NRDC: variants seen among roughly 807,000 people sequenced by gnomAD.
The protein encoded by NRDC is nardilysin convertase.
Under a neutral mutation model 147.1 loss-of-function variants are expected in NRDC, and 54 were observed. The ratio of observed to expected loss-of-function variants is 0.37; its 90% CI spans 0.29 to 0.46. The LOEUF is 0.46. Among genes scored for constraint, NRDC ranks in the 20% least tolerant of loss-of-function variants. The pLI is 1.00. For synonymous variants in NRDC, 440 were observed against 482.1 expected, an observed-to-expected ratio of 0.91 and a Z score of 1.14; for missense variants, 1,082 against 1,370.6, an observed-to-expected ratio of 0.79 and a Z score of 3.33.
intron 13 of NRDC, 105 bp from the exon 14 acceptor site, chr1:51,814,194 G>T (rs1438847084): frequency 1.2e-5 from 8 of 694,694 alleles, no homozygotes; most frequent in Non-Finnish European, 2.0e-5. Context: ...CTATTGGGTA[G>T]TAGGCTTAGT....
At chr1:51,799,357 C>T (rs1679081746) in intron 21 of NRDC, among the ~76,000 whole-genome samples, 1 of 152,028 alleles carries the variant, frequency 6.6e-6, no homozygotes, top group African/African-American at 2.4e-5. Flanking sequence ...GCACCCCCAC[C>T]CCCCAACAGG....
At chr1:51,873,660 G>A (rs1046186756) in intron 1 of NRDC, among the ~76,000 whole-genome samples, 11 of 151,654 alleles carry the variant, frequency 7.3e-5, no homozygotes, top group African/African-American at 2.4e-4. Flanking sequence ...ACAAGCACCT[G>A]CCACTACAAC....
chr1:51,806,526 G>A (rs550205268), intron 18 of NRDC, among the ~76,000 whole-genome samples: 1 of 152,288 alleles, frequency 6.6e-6, no homozygotes, highest in South Asian at 2.1e-4. Flanking sequence ...CCTAGAAAAA[G>A]TCTTCAAACG....
intron 2 of NRDC, 191 bp from the exon 3 acceptor site, chr1:51,836,403 G>A (rs775280677): frequency 6.8e-6 from 11 of 1,613,640 alleles, no homozygotes; most frequent in East Asian, 2.2e-5. Flanking sequence ...CTGCTCCTCC[G>A]CTTGCCATCC....
chr1:51,800,882 C>T (rs1480418986), intron 20 of NRDC, 199 bp from the exon 21 acceptor site: 7 of 558,028 alleles, frequency 1.3e-5, no homozygotes, highest in Non-Finnish European at 2.2e-5. Context: ...CACTGGTCAC[C>T]CAGGCTGGAG....
At chr1:51,870,878 TTC>T (rs1384326140) in intron 1 of NRDC, among the ~76,000 whole-genome samples, 1 of 152,114 alleles carries the variant, frequency 6.6e-6, no homozygotes, top group Non-Finnish European at 1.5e-5. Context: ...TCTCTACTGA[TTC>T]TTTTTTTCTC....
rs542220315 is a variant in NRDC at position 51,836,797 on chromosome 1, AG to A, written c.631-586del. Reference sequence around the variant, plus strand: ...TAAAAAGTATAACTAAATTTTAAAGAGGCTTTTTAGTTCTTCACTTCTAATT... The same window carrying A: ...TAAAAAGTATAACTAAATTTTAAAGAGCTTTTTAGTTCTTCACTTCTAATT... On this transcript the variant is annotated intron_variant, in intron 2 of 30. Transcript: ENST00000352171. Among the ~76,000 whole-genome samples the A allele has an allele frequency of 1.6e-3, 249 of 152,306 alleles. 1 individual carries two copies. Among genetic ancestry groups the A allele is most frequent in the African/African-American group, 5.3e-3 (219 of 41,568 alleles).
At position 51,836,143 on chromosome 1, in the gene NRDC, A is replaced by G; in HGVS notation, c.700T>C (p.Phe234Leu). The change falls in exon 3 of 31, where the codon TTT (phenylalanine) becomes CTT (leucine). Residue 234 changes from phenylalanine (F) to leucine (L), a missense_variant. By Grantham distance (22) the Phe-to-Leu change is conservative (BLOSUM62 0). Coordinates refer to ENST00000352171, the MANE Select transcript of NRDC (RefSeq NM_001101662.2). ...DPDDLPGLAH[F>L]LEHMVFMGSL... Reference sequence around the variant, plus strand: ...TACAAATTCTTACTGTGCTCCAAAAAGTGTGCCAGCCCCGGCAGGTCATCT... The same window carrying G: ...TACAAATTCTTACTGTGCTCCAAAAGGTGTGCCAGCCCCGGCAGGTCATCT... 6.2e-7 allele frequency: 1 copy of G among 1,614,106 alleles called. No individual in the cohort carries two copies. The highest frequency in any genetic ancestry group is 1.1e-5 in the South Asian group (1 of 91,080).
chr1:51,835,774 G>T (rs925322120), intron 3 of NRDC, among the ~76,000 whole-genome samples: 1 of 152,146 alleles, frequency 6.6e-6, no homozygotes, highest in African/African-American at 2.4e-5. Context: ...GGGAATTCCT[G>T]TATTTCTGAT....
At chr1:51,821,398 C>T (rs1680201241) in intron 8 of NRDC, 100 bp downstream of exon 8, 8 of 676,716 alleles carry the variant, frequency 1.2e-5, no homozygotes, top group Non-Finnish European at 2.0e-5. Context: ...AATTCTATCA[C>T]CTGTGTAAAA....
intron 18 of NRDC, among the ~76,000 whole-genome samples, chr1:51,806,396 G>A (rs1009474612): frequency 6.6e-6 from 1 of 150,962 alleles, no homozygotes; most frequent in Non-Finnish European, 1.5e-5. Context: ...TCATTTAACT[G>A]AAAGAAAAAA....
At chr1:51,834,695 AT>A (rs1213208714) in intron 3 of NRDC, among the ~76,000 whole-genome samples, 3 of 152,100 alleles carry the variant, frequency 2.0e-5, no homozygotes, top group East Asian at 3.8e-4. Flanking sequence ...AAAAAAAAAA[AT>A]TTCATCTTTA....
intron 4 of NRDC, among the ~76,000 whole-genome samples, chr1:51,833,062 G>A (rs1260114250): frequency 1.3e-5 from 2 of 152,088 alleles, no homozygotes; most frequent in East Asian, 3.8e-4. Context: ...AAATATAGAT[G>A]GGTCTATACC....
In NRDC at chr1:51,878,492, C is replaced by G. The variant is rs781517548; in HGVS notation, c.124G>C (p.Ala42Pro). 1.2e-6 allele frequency: 2 copies of G among 1,613,812 alleles called. No homozygotes were observed. The highest frequency in any genetic ancestry group is 1.3e-5 in the African/African-American group (1 of 74,932). The change falls in exon 1 of 31, where the codon GCC becomes CCC. Residue 42 changes from alanine to proline, a missense_variant. By Grantham distance (27) the Ala-to-Pro change is conservative. Around this residue, in one of 3 missense-constraint regions of NRDC, gnomAD observed 260 missense variants for 253.2 expected, o/e 1.03. Coordinates refer to ENST00000352171, the MANE Select transcript of NRDC (RefSeq NM_001101662.2). ...ATGGCCAGAATAGGAAAGGGTCTGGCAGCAGCAGAGTCTTCGCACCGACCC... is the reference window on the plus strand; with the variant it reads ...ATGGCCAGAATAGGAAAGGGTCTGGGAGCAGCAGAGTCTTCGCACCGACCC... Reference protein sequence around the residue: ...TRGRCEDSAAARPFPILAMPG... With the variant: ...TRGRCEDSAAPRPFPILAMPG...
chr1:51,811,965 G>A (rs948895220), intron 15 of NRDC, 29 bp downstream of exon 15: 1 of 1,449,192 alleles, frequency 6.9e-7, no homozygotes, highest in Non-Finnish European at 9.7e-7. Flanking sequence ...TCCCCTAAAA[G>A]TAAGTTTTAG....
chr1:51,796,754 A>G (rs1678938040), intron 22 of NRDC, among the ~76,000 whole-genome samples: 1 of 150,082 alleles, frequency 6.7e-6, no homozygotes, highest in Non-Finnish European at 1.5e-5. Context: ...AGCCCGGCTA[A>G]TTTTTGTATT....
intron 1 of NRDC, among the ~76,000 whole-genome samples, chr1:51,870,121 A>G (rs1557942041): frequency 1.3e-5 from 2 of 152,232 alleles, no homozygotes; most frequent in Non-Finnish European, 2.9e-5. Flanking sequence ...CCTGGCATGT[A>G]AGCACTCATA....
intron 1 of NRDC, among the ~76,000 whole-genome samples, chr1:51,872,682 T>TG (rs1402497426): frequency 1.3e-5 from 2 of 152,134 alleles, no homozygotes; most frequent in Non-Finnish European, 2.9e-5. Context: ...CCAGCCTGGG[T>TG]GACAGACCCA....
intron 4 of NRDC, among the ~76,000 whole-genome samples, chr1:51,830,033 C>T (rs1680636623): frequency 1.4e-5 from 2 of 145,460 alleles, no homozygotes; most frequent in Admixed American, 7.0e-5. Flanking sequence ...GGCACTATCT[C>T]GGCTCACTGC....
Sources: allele counts gnomAD v4.1 joint callset (sites outside exome capture counted in the v4.1 genomes callset), GRCh38; gene constraint gnomAD v4.1.1; regional missense constraint gnomAD v4.1.1; transcripts MANE v1.5; gene names NCBI Gene and HGNC (gene_info 2026-07-23, HGNC 2026-07-21).